PTPRT: variants seen among roughly 807,000 people sequenced by gnomAD.
PTPRT encodes protein tyrosine phosphatase receptor type T, also known as receptor-type tyrosine-protein phosphatase T.
Under a neutral mutation model 176.8 loss-of-function variants are expected in PTPRT, and 56 were observed. The ratio of observed to expected loss-of-function variants is 0.32; its 90% CI spans 0.26 to 0.40. The LOEUF (loss-of-function observed/expected upper bound fraction) is 0.40, where lower values mean the gene tolerates loss of function less well. PTPRT is among the 10% of genes least tolerant of loss of function. PTPRT has a pLI of 1.00. For synonymous variants in PTPRT, 783 were observed against 739.0 expected (o/e 1.06, Z -0.96); for missense variants, 1,540 against 1,908.2 (o/e 0.81, Z 3.60).
intron 1 of PTPRT, among the ~76,000 whole-genome samples, chr20:42,978,316 G>A (rs879560075): frequency 6.6e-6 from 1 of 152,096 alleles, no homozygotes; most frequent in Admixed American, 6.5e-5. Flanking sequence ...TTATTGTTCT[G>A]TACCCACCTA....
At position 43,175,683 on chromosome 20, in the gene PTPRT, CG is replaced by C. The variant is rs1298076877; in HGVS notation, c.88+13962del. Among the ~76,000 whole-genome samples the C allele has an allele frequency of 3.5e-3, 429 of 120,962 alleles. 6 individuals carry two copies. The highest frequency in any genetic ancestry group is 6.3e-3 in the Non-Finnish European group (343 of 54,754). 79.4% of individuals were successfully genotyped at this position (120,962 alleles called of 152,430 possible). ...ACTGCACTCCAACCTGGCAACAGAG[CG>C]AGACCCCGGGCTCTGACTGTGCCAC... On this transcript the variant is annotated intron_variant, in intron 1 of 30. Coordinates refer to ENST00000373187, the MANE Select transcript of PTPRT (RefSeq NM_007050.6).
At chr20:42,678,976 C>T (rs910359399) in intron 6 of PTPRT, among the ~76,000 whole-genome samples, 18 of 152,176 alleles carry the variant, frequency 1.2e-4, no homozygotes, top group African/African-American at 3.4e-4. Context: ...CAGCTTCTGC[C>T]TCAACCCCAG....
chr20:42,662,871 A>G (rs1216557725), intron 7 of PTPRT, among the ~76,000 whole-genome samples: 2 of 152,204 alleles, frequency 1.3e-5, no homozygotes, highest in Non-Finnish European at 2.9e-5. Flanking sequence ...TTTACAATTT[A>G]TAACAATCAT....
intron 9 of PTPRT, among the ~76,000 whole-genome samples, chr20:42,379,060 T>C (rs1207756246): frequency 6.6e-6 from 1 of 152,184 alleles, no homozygotes. Flanking sequence ...AATGCTGCAT[T>C]TCGTTTTGAA....
At chr20:42,914,835 C>T (rs1408602865) in intron 1 of PTPRT, among the ~76,000 whole-genome samples, 3 of 151,158 alleles carry the variant, frequency 2.0e-5, no homozygotes, top group Non-Finnish European at 4.4e-5. Context: ...GCAATAAGGG[C>T]TTATTATGTT....
intron 9 of PTPRT, among the ~76,000 whole-genome samples, chr20:42,422,257 C>T (rs1247713295): frequency 6.6e-6 from 1 of 152,086 alleles, no homozygotes; most frequent in Non-Finnish European, 1.5e-5. Context: ...TATCAACAGA[C>T]TAAAAAGACA....
At chr20:42,961,832 G>T (rs1390062603) in intron 1 of PTPRT, among the ~76,000 whole-genome samples, 1 of 152,244 alleles carries the variant, frequency 6.6e-6, no homozygotes, top group Non-Finnish European at 1.5e-5. Context: ...GGATTATCCA[G>T]TGAGGCCCAA....
rs542266045 is a variant in PTPRT, at chr20:42,184,631, T to TTCTC, written c.2491+14605_2491+14608dup. On this transcript the variant is annotated intron_variant, in intron 16 of 30. Coordinates refer to ENST00000373187, the MANE Select transcript of PTPRT (RefSeq NM_007050.6). Reference sequence around the variant, plus strand: ...CTTCTTCTTCTCCTCCTTCTTCTCCTTCTCTCTCTCTCTCTCGATAGAGTT... The same window carrying TTCTC: ...CTTCTTCTTCTCCTCCTTCTTCTCCTTCTCTCTCTCTCTCTCTCTCGATAGAGTT... 3.5e-5 allele frequency among the ~76,000 whole-genome samples: 5 copies of TTCTC among 143,106 alleles called. No homozygotes were observed. The East Asian group carries it at 8.2e-4, about 24-fold the overall frequency. 93.9% of individuals were successfully genotyped at this position (143,106 alleles called of 152,430 possible). A position where few individuals can be genotyped will look rare whatever the true frequency, so the allele number is the denominator to read the frequency against.
intron 8 of PTPRT, among the ~76,000 whole-genome samples, chr20:42,466,158 G>A (rs1214965729): frequency 2.6e-5 from 4 of 152,178 alleles, no homozygotes; most frequent in African/African-American, 7.2e-5. Flanking sequence ...GTCTATCATT[G>A]ATGGCCATTT....
chr20:42,302,341 G>A (rs571072456), intron 12 of PTPRT, among the ~76,000 whole-genome samples: 1 of 152,092 alleles, frequency 6.6e-6, no homozygotes, highest in Admixed American at 6.5e-5. Flanking sequence ...CCTCTCTCTG[G>A]GCTTCATTCC....
At chr20:42,826,717 G>T (rs2078000243) in intron 2 of PTPRT, among the ~76,000 whole-genome samples, 2 of 152,136 alleles carry the variant, frequency 1.3e-5, no homozygotes, top group Admixed American at 1.3e-4. Context: ...TATTAACTTT[G>T]AATGTAAATG....
At chr20:42,517,509 C>G (rs921066008) in intron 7 of PTPRT, among the ~76,000 whole-genome samples, 13 of 151,818 alleles carry the variant, frequency 8.6e-5, no homozygotes, top group Non-Finnish European at 1.6e-4. Context: ...TAATTAATTT[C>G]TGTTTCTACC....
At chr20:42,634,060 ATATAATATAT>A (rs2074528555) in intron 7 of PTPRT, among the ~76,000 whole-genome samples, 1 of 38,634 alleles carries the variant, frequency 2.6e-5, no homozygotes, top group Non-Finnish European at 4.0e-5. Flanking sequence ...TATTATAAAT[ATATAATATAT>A]ATATAATATA....
At chr20:42,402,483 TAAAAAAAAAA>T (rs3061921) in intron 9 of PTPRT, among the ~76,000 whole-genome samples, 22 of 95,158 alleles carry the variant, frequency 2.3e-4, no homozygotes, top group African/African-American at 8.5e-4. Flanking sequence ...ATAGTGCAGT[TAAAAAAAAAA>T]AAAAAAAAAA....
intron 12 of PTPRT, among the ~76,000 whole-genome samples, chr20:42,314,919 A>G (rs2057693668): frequency 7.8e-6 from 1 of 128,658 alleles, no homozygotes; most frequent in African/African-American, 2.8e-5. Flanking sequence ...GGTATTCAAG[A>G]ATAAGCACTA....
Position 42,411,534 on chromosome 20 carries a change from A to G in PTPRT, c.1560+36686T>C, listed in dbSNP as rs936959878. On this transcript the variant is annotated intron_variant, in intron 9 of 30. Coordinates refer to ENST00000373187, the MANE Select transcript of PTPRT (RefSeq NM_007050.6). ...CCCTGTCTCAAAAAAAAAAAAAAAA[A>G]AAAAAAGAAAAAAGAAAAGATCAAT... Among the ~76,000 whole-genome samples the G allele has an allele frequency of 4.7e-5, 7 of 150,028 alleles. No individual in the cohort carries two copies. In the East Asian group the frequency reaches 5.8e-4, roughly 13 times the overall value.
rs190597265 is a variant in PTPRT at position 43,155,284 on chromosome 20, C to T, written c.88+34362G>A. Among the ~76,000 whole-genome samples, 170 of 152,236 alleles carry T rather than the reference C, an allele frequency of 1.1e-3. 1 individual carries two copies. Among genetic ancestry groups the T allele is most frequent in the African/African-American group, 3.9e-3 (162 of 41,538 alleles). On this transcript the variant is annotated intron_variant, in intron 1 of 30. Coordinates refer to ENST00000373187, the MANE Select transcript of PTPRT (RefSeq NM_007050.6). Reference sequence around the variant, plus strand: ...AAGATACAAAATCAATCTAAATGTCCATCAGTGGATGAATGGATAAAGAAA... The same window carrying T: ...AAGATACAAAATCAATCTAAATGTCTATCAGTGGATGAATGGATAAAGAAA...
intron 1 of PTPRT, among the ~76,000 whole-genome samples, chr20:42,911,507 A>T (rs76401819): frequency 6.6e-6 from 1 of 152,182 alleles, no homozygotes. Context: ...GCACCAGTGC[A>T]TTTGACAGCA....
chr20:43,117,693 G>A (rs1409913748), intron 1 of PTPRT, among the ~76,000 whole-genome samples: 3 of 152,186 alleles, frequency 2.0e-5, no homozygotes, highest in Non-Finnish European at 4.4e-5. Flanking sequence ...GTAGCGGCAA[G>A]AGTCTCAGAG....
Sources: allele counts gnomAD v4.1 joint callset (sites outside exome capture counted in the v4.1 genomes callset), GRCh38; gene constraint gnomAD v4.1.1; transcripts MANE v1.5; gene names NCBI Gene and HGNC (gene_info 2026-07-23, HGNC 2026-07-21).